The following SRGAP1 variants were observed in gnomAD, a reference collection of about 807,000 sequenced individuals.
SRGAP1 encodes SLIT-ROBO Rho GTPase activating protein 1, also known as SLIT-ROBO Rho GTPase-activating protein 1.
In SRGAP1, 43 loss-of-function variants were observed where a neutral mutation model predicts 121.9. The observed-to-expected ratio is 0.35, with a 90% CI of 0.28 to 0.46. The LOEUF (loss-of-function observed/expected upper bound fraction) is 0.46, where lower values mean the gene tolerates loss of function less well. Among genes scored for constraint, SRGAP1 ranks in the 20% least tolerant of loss-of-function variants. SRGAP1 has a pLI of 1.00. For missense variants in SRGAP1, 1,102 were observed against 1,350.9 expected (o/e 0.82, Z 2.89); for synonymous variants, 447 against 485.4 (o/e 0.92, Z 1.04).
chr12:64,118,864 G>T (rs1340881082), intron 18 of SRGAP1, among the ~76,000 whole-genome samples: 2 of 152,002 alleles, frequency 1.3e-5, no homozygotes, highest in Admixed American at 6.6e-5. Context: ...TGGGACTACA[G>T]GCATGGCTAA....
chr12:64,021,727 T>C (rs2034554132), intron 4 of SRGAP1, among the ~76,000 whole-genome samples: 2 of 152,240 alleles, frequency 1.3e-5, no homozygotes, highest in South Asian at 4.1e-4. Context: ...TTATAGTTTT[T>C]AGAATCAATG....
At chr12:64,015,237 TTAAAA>T (rs1447579674) in intron 3 of SRGAP1, among the ~76,000 whole-genome samples, 3 of 152,162 alleles carry the variant, frequency 2.0e-5, no homozygotes, top group African/African-American at 7.2e-5. Context: ...AAATCTGATA[TTAAAA>T]TAACACCAAA....
intron 8 of SRGAP1, among the ~76,000 whole-genome samples, chr12:64,074,127 C>T (rs148142556): frequency 1.2e-4 from 19 of 152,264 alleles, no homozygotes; most frequent in East Asian, 5.8e-4. Flanking sequence ...CTGTTGAAAA[C>T]GATTAACTGC....
chr12:63,873,499 C>T (rs1037786570), intron 1 of SRGAP1, among the ~76,000 whole-genome samples: 1 of 146,922 alleles, frequency 6.8e-6, no homozygotes, highest in African/African-American at 2.5e-5. Flanking sequence ...AGCCATTCCA[C>T]TCCAACCTGG....
intron 1 of SRGAP1, among the ~76,000 whole-genome samples, chr12:63,893,617 AAAAGT>A (rs1900657634): frequency 6.6e-6 from 1 of 152,188 alleles, no homozygotes; most frequent in African/African-American, 2.4e-5. Context: ...CATTTTACAG[AAAAGT>A]AAACTGAAAC....
intron 1 of SRGAP1, among the ~76,000 whole-genome samples, chr12:63,941,434 T>A (rs1255787514): frequency 6.6e-6 from 1 of 152,176 alleles, no homozygotes; most frequent in Non-Finnish European, 1.5e-5. Flanking sequence ...CAACTAGTAA[T>A]GTATCTCGAG....
chr12:63,993,653 T>G (rs975821943), intron 3 of SRGAP1, among the ~76,000 whole-genome samples: 3 of 152,182 alleles, frequency 2.0e-5, no homozygotes, highest in Non-Finnish European at 4.4e-5. Context: ...AAAAAATCAT[T>G]TACCCAAATT....
chr12:63,918,668 C>T (rs1219739336), intron 1 of SRGAP1, among the ~76,000 whole-genome samples: 5 of 152,192 alleles, frequency 3.3e-5, no homozygotes, highest in Admixed American at 6.5e-5. Flanking sequence ...CTGCCTACCT[C>T]GGTCTCCTAA....
At chr12:63,911,632 C>T (rs914991758) in intron 1 of SRGAP1, among the ~76,000 whole-genome samples, 1 of 152,180 alleles carries the variant, frequency 6.6e-6, no homozygotes, top group Non-Finnish European at 1.5e-5. Flanking sequence ...AGTGGCACCA[C>T]GTTGCTAATT....
chr12:64,160,548 A>C lies in SRGAP1; in HGVS notation c.*17876A>C, dbSNP rs545333707. Reference sequence around the variant, plus strand: ...CTCAATCAAAAGGCAAATATATCTCATATGTCGGAAGATTAATGTATGAAT... The same window carrying C: ...CTCAATCAAAAGGCAAATATATCTCCTATGTCGGAAGATTAATGTATGAAT... On this transcript the variant is annotated 3_prime_UTR_variant, in exon 22 of 22. Transcript: ENST00000355086. 1.1e-4 allele frequency: 17 copies of C among 152,270 alleles called. No individual in the cohort carries two copies. The highest frequency in any genetic ancestry group is 4.1e-4 in the African/African-American group (17 of 41,552). The allele number at this position is 152,270 out of a possible 1,614,324, so 9.4% of individuals were successfully genotyped here.
In SRGAP1 at chr12:63,924,360, A is replaced by C. The variant is rs145982015; in HGVS notation, c.68-59587A>C. Among the ~76,000 whole-genome samples, 1,510 of 152,212 alleles carry C rather than the reference A, an allele frequency of 9.9e-3. 60 individuals carry two copies. The highest frequency in any genetic ancestry group is 0.06 in the Admixed American group (917 of 15,284). On this transcript the variant is annotated intron_variant, in intron 1 of 21. Coordinates refer to ENST00000355086, the MANE Select transcript of SRGAP1 (RefSeq NM_020762.4). ...TTTCTATAAAGTACCTCTCATCCCA[A>C]CCTAATAGTGCTCCATTGACCCAGA... is the stretch of plus-strand genomic sequence containing the variant.
At chr12:64,116,624 A>G (rs78131134) in intron 18 of SRGAP1, among the ~76,000 whole-genome samples, 5,524 of 152,212 alleles carry the variant, frequency 0.036, 362 homozygotes, top group African/African-American at 0.13. Context: ...CATTGTATGT[A>G]TCTATTCCGT....
Position 64,142,541 on chromosome 12 carries a change from G to A in SRGAP1, c.3127G>A (p.Ala1043Thr). 1 of 1,614,198 alleles carries A rather than the reference G, an allele frequency of 6.2e-7. No homozygotes were observed. The highest frequency in any genetic ancestry group is 1.3e-5 in the African/African-American group (1 of 75,052). The change falls in exon 22 of 22, where the codon GCA becomes ACA. Residue 1043 changes from alanine (A) to threonine (T), a missense_variant. Ala to Thr is a moderately conservative substitution (Grantham distance 58). Transcript: ENST00000355086. Reference sequence around the variant, plus strand: ...AATGAGTACTTTCAAGCCTATGGTGGCACCCAGAATGGGCGTGCAGCTGAA... The same window carrying A: ...AATGAGTACTTTCAAGCCTATGGTGACACCCAGAATGGGCGTGCAGCTGAA... The part of the protein sequence containing the change: ...DTMSTFKPMV[A>T]PRMGVQLKPP...
intron 4 of SRGAP1, among the ~76,000 whole-genome samples, chr12:64,017,802 T>G (rs1467422654): frequency 1.3e-5 from 2 of 152,180 alleles, no homozygotes; most frequent in Non-Finnish European, 2.9e-5. Flanking sequence ...TCTTTTTTTT[T>G]GCAATAATTT....
chr12:64,092,464 A>G (rs2036071031), intron 12 of SRGAP1, among the ~76,000 whole-genome samples: 1 of 142,102 alleles, frequency 7.0e-6, no homozygotes, highest in African/African-American at 2.8e-5. Context: ...GGACATACAT[A>G]CATATATACA....
At position 64,158,687 on chromosome 12, in the gene SRGAP1, A is replaced by G. The variant is rs2037185468; in HGVS notation, c.*16015A>G. On this transcript the variant is annotated 3_prime_UTR_variant, in exon 22 of 22. Transcript: ENST00000355086. ...CTCGGGAGGCTGAGGCAGAAGTATC[A>G]CTTGAACCCGGGAGGTGGACGTTGC... 1 of 152,080 alleles carries G rather than the reference A, an allele frequency of 6.6e-6. No individual in the cohort carries two copies. Among genetic ancestry groups the G allele is most frequent in the Non-Finnish European group, 1.5e-5 (1 of 68,034 alleles). The allele number at this position is 152,080 out of a possible 1,614,324, so 9.4% of individuals were successfully genotyped here.
intron 3 of SRGAP1, among the ~76,000 whole-genome samples, chr12:64,004,662 G>C (rs1247516081): frequency 1.3e-5 from 2 of 152,130 alleles, no homozygotes; most frequent in Non-Finnish European, 2.9e-5. Flanking sequence ...GAGCCACCGC[G>C]CTCGGCCCAA....
intron 17 of SRGAP1, among the ~76,000 whole-genome samples, chr12:64,114,313 T>TACCAA (rs2036481780): frequency 6.7e-6 from 1 of 149,960 alleles, no homozygotes. Context: ...TTAAGGCCAG[T>TACCAA]ACCAAAGATA....
intron 18 of SRGAP1, among the ~76,000 whole-genome samples, chr12:64,116,521 C>T (rs1050884688): frequency 1.6e-4 from 24 of 151,930 alleles, no homozygotes; most frequent in South Asian, 2.1e-4. Flanking sequence ...ATATATTTTT[C>T]GTGAGTTTTT....
Sources: allele counts gnomAD v4.1 joint callset (sites outside exome capture counted in the v4.1 genomes callset), GRCh38; gene constraint gnomAD v4.1.1; transcripts MANE v1.5; gene names NCBI Gene and HGNC (gene_info 2026-07-23, HGNC 2026-07-21).